Variants in NEK10 observed in about 807,000 individuals in gnomAD.
NEK10 encodes NIMA related kinase 10, also known as serine/threonine-protein kinase Nek10.
A neutral mutation model predicts 159.8 loss-of-function variants in NEK10; 122 were observed. That is an observed-to-expected ratio of 0.76 (90% CI 0.66 to 0.89). The LOEUF is 0.89. NEK10 is among the 40% of genes least tolerant of loss of function. NEK10 has a pLI of 0.00. For synonymous variants in NEK10, 466 were observed against 457.1 expected (o/e 1.02, Z -0.25); for missense variants, 1,342 against 1,323.1 (o/e 1.01, Z -0.22).
At chr3:27,179,219 T>A (rs969929152) in intron 26 of NEK10, among the ~76,000 whole-genome samples, 1 of 152,182 alleles carries the variant, frequency 6.6e-6, no homozygotes, top group Non-Finnish European at 1.5e-5. Flanking sequence ...AATAACTAAT[T>A]TATATGGATT....
At chr3:27,322,031 G>C (rs2045676644) in intron 6 of NEK10, 146 bp downstream of exon 6, 1 of 555,742 alleles carries the variant, frequency 1.8e-6, no homozygotes, top group Admixed American at 3.1e-5. Context: ...TTAAATAGTA[G>C]ATGAGACATT....
chr3:27,284,047 C>T (rs2042393931), intron 22 of NEK10, among the ~76,000 whole-genome samples: 2 of 152,120 alleles, frequency 1.3e-5, no homozygotes, highest in South Asian at 4.2e-4. Flanking sequence ...TAGTCACTGT[C>T]CAACATGGTA....
At chr3:27,360,808 C>G (rs1201948904) in intron 1 of NEK10, among the ~76,000 whole-genome samples, 1 of 152,166 alleles carries the variant, frequency 6.6e-6, no homozygotes, top group East Asian at 1.9e-4. Context: ...TCTCCAAGGG[C>G]AGGAGTGTGT....
At chr3:27,337,033 G>C (rs575016793) in intron 5 of NEK10, among the ~76,000 whole-genome samples, 4 of 151,860 alleles carry the variant, frequency 2.6e-5, no homozygotes, top group East Asian at 1.9e-4. Context: ...CATTTGGCGG[G>C]GGGGAAAGGA....
In NEK10 at chr3:27,162,561, G is replaced by A. The variant is rs17854381; in HGVS notation, c.2869+140C>T. 0.26 allele frequency: 413,275 copies of A among 1,613,942 alleles called. 55,426 individuals carry two copies. The highest frequency in any genetic ancestry group is 0.4 in the Middle Eastern group (2,415 of 6,060). ...TTTCCTTAATGTGGGCCCTGAGCAT[G>A]TGGGGTGGCACTTTCAGAAGCAGGT... On this transcript the variant is annotated intron_variant, in intron 30 of 35. Transcript: ENST00000691995.
chr3:27,287,829 G>C, intron 19 of NEK10, 86 bp from the exon 20 acceptor site: 1 of 1,284,770 alleles, frequency 7.8e-7, no homozygotes, highest in Non-Finnish European at 1.0e-6. Context: ...CTTCATATTT[G>C]AAAACTACAA....
At chr3:27,261,915 G>T (rs1314153312) in intron 22 of NEK10, among the ~76,000 whole-genome samples, 1 of 152,068 alleles carries the variant, frequency 6.6e-6, no homozygotes, top group East Asian at 1.9e-4. Context: ...CCCTGTATTG[G>T]GTGCATATAT....
intron 35 of NEK10, among the ~76,000 whole-genome samples, chr3:27,115,624 A>T (rs1488984906): frequency 6.6e-6 from 1 of 152,184 alleles, no homozygotes; most frequent in Non-Finnish European, 1.5e-5. Context: ...AGACAAACAA[A>T]TATTTGATGT....
chr3:27,280,110 A>G (rs944831392), intron 22 of NEK10, among the ~76,000 whole-genome samples: 6 of 151,452 alleles, frequency 4.0e-5, no homozygotes, highest in Non-Finnish European at 7.4e-5. Flanking sequence ...AAAAAAAAAA[A>G]AAAAAAAAAG....
chr3:27,236,117 T>C (rs949502184), intron 23 of NEK10, among the ~76,000 whole-genome samples: 1 of 151,894 alleles, frequency 6.6e-6, no homozygotes, highest in Non-Finnish European at 1.5e-5. Context: ...CATGGACTCA[T>C]AGAGGGGGAA....
chr3:27,227,603 G>C (rs978290009), intron 23 of NEK10, among the ~76,000 whole-genome samples: 4 of 152,096 alleles, frequency 2.6e-5, no homozygotes, highest in African/African-American at 9.7e-5. Context: ...CTACTGACAT[G>C]GTGGCTGAAG....
intron 5 of NEK10, 120 bp from the exon 6 acceptor site, chr3:27,322,381 G>A: frequency 1.6e-6 from 1 of 644,846 alleles, no homozygotes; most frequent in Non-Finnish European, 2.8e-6. Flanking sequence ...ATTTGCACTG[G>A]GGACTGTTAT....
chr3:27,164,231 G>A (rs925980158), intron 29 of NEK10, among the ~76,000 whole-genome samples: 5 of 152,146 alleles, frequency 3.3e-5, no homozygotes, highest in African/African-American at 9.7e-5. Flanking sequence ...TTGAAAAGAG[G>A]CATGATGACA....
chr3:27,255,717 T>G (rs1956103127), intron 23 of NEK10, among the ~76,000 whole-genome samples: 1 of 152,190 alleles, frequency 6.6e-6, no homozygotes, highest in African/African-American at 2.4e-5. Flanking sequence ...TTTAAGTGTC[T>G]CGATTTATCA....
intron 30 of NEK10, among the ~76,000 whole-genome samples, chr3:27,161,412 C>T (rs1003272554): frequency 6.6e-6 from 1 of 152,116 alleles, no homozygotes; most frequent in Non-Finnish European, 1.5e-5. Flanking sequence ...GAGACATGGG[C>T]TAACATTACA....
chr3:27,291,588 TAC>T lies in NEK10; in HGVS notation c.1374-4_1374-3del, dbSNP rs746110061. On this transcript the variant is annotated splice_region_variant and splice_polypyrimidine_tract_variant and intron_variant, in intron 16 of 35. Coordinates refer to ENST00000691995, the MANE Select transcript of NEK10 (RefSeq NM_001394966.1). ...TCAAACAAGTCTGTGGGGAAAAGTC[TAC>T]AGAGAATATTACACACACTTAAAGT... 6.6e-7 allele frequency: 1 copy of T among 1,509,116 alleles called. No homozygotes were observed. The highest frequency in any genetic ancestry group is 1.7e-5 in the Admixed American group (1 of 59,806). 93.5% of individuals were successfully genotyped at this position (1,509,116 alleles called of 1,614,324 possible). A position where few individuals can be genotyped will look rare whatever the true frequency, so the allele number is the denominator to read the frequency against.
intron 32 of NEK10, among the ~76,000 whole-genome samples, chr3:27,130,593 C>A (rs1373732841): frequency 6.6e-6 from 1 of 152,140 alleles, no homozygotes; most frequent in African/African-American, 2.4e-5. Context: ...ATGCTTTCAT[C>A]TCATAAAACT....
chr3:27,325,815 G>A (rs1182457519), intron 5 of NEK10, among the ~76,000 whole-genome samples: 1 of 152,218 alleles, frequency 6.6e-6, no homozygotes, highest in Non-Finnish European at 1.5e-5. Flanking sequence ...GATGTCCAAA[G>A]AATATCACTG....
chr3:27,267,531 T>C (rs557924592), intron 22 of NEK10, among the ~76,000 whole-genome samples: 6 of 152,310 alleles, frequency 3.9e-5, no homozygotes, highest in Admixed American at 6.5e-5. Flanking sequence ...ACTTTATTAT[T>C]ATTATATCTG....
Sources: allele counts gnomAD v4.1 joint callset (sites outside exome capture counted in the v4.1 genomes callset), GRCh38; gene constraint gnomAD v4.1.1; transcripts MANE v1.5; gene names NCBI Gene and HGNC (gene_info 2026-07-23, HGNC 2026-07-21).